LRGUK: variants seen among roughly 807,000 people sequenced by gnomAD.
LRGUK encodes the protein leucine rich repeats and guanylate kinase domain containing, also known as leucine-rich repeat and guanylate kinase domain-containing protein.
LRGUK carries 65 observed loss-of-function variants against 76.0 expected under a neutral mutation model. That is an observed-to-expected ratio of 0.85 (90% CI 0.70 to 1.05). The LOEUF (loss-of-function observed/expected upper bound fraction) is 1.05. LRGUK is among the 50% of genes least tolerant of loss of function. LRGUK has a pLI of 0.00. For missense variants in LRGUK, 758 were observed against 732.8 expected, an observed-to-expected ratio of 1.03 and a Z score of -0.40; for synonymous variants, 268 against 265.6, an observed-to-expected ratio of 1.01 and a Z score of -0.09.
chr7:134,177,124 T>C, intron 9 of LRGUK, 61 bp downstream of exon 9: 1 of 939,750 alleles, frequency 1.1e-6, no homozygotes. Context: ...CAAAAGCTCG[T>C]GTTGCCTGCT....
chr7:134,142,639 T>C (rs983892598), intron 3 of LRGUK, among the ~76,000 whole-genome samples: 1 of 152,254 alleles, frequency 6.6e-6, no homozygotes, highest in African/African-American at 2.4e-5. Context: ...TTCCACTCTT[T>C]ATGAAAAGAT....
chr7:134,157,973 A>G, intron 5 of LRGUK, 62 bp from the exon 6 acceptor site: 1 of 1,501,664 alleles, frequency 6.7e-7, no homozygotes, highest in East Asian at 2.3e-5. Context: ...TTTAACACTG[A>G]TTCTTTTTTT....
chr7:134,171,269 A>G (rs904454191), intron 7 of LRGUK, among the ~76,000 whole-genome samples: 1 of 151,950 alleles, frequency 6.6e-6, no homozygotes, highest in Non-Finnish European at 1.5e-5. Context: ...ACTTACCATC[A>G]TCATCAACTA....
chr7:134,192,677 A>T (rs190871133), intron 12 of LRGUK, among the ~76,000 whole-genome samples: 1 of 152,336 alleles, frequency 6.6e-6, no homozygotes, highest in African/African-American at 2.4e-5. Context: ...ACTTCAGTTA[A>T]ACTGAAGGAG....
chr7:134,127,411 C>G (rs776165105), exon 1 of LRGUK: 2 of 1,613,968 alleles, frequency 1.2e-6, no homozygotes, highest in East Asian at 4.5e-5. Context: ...AGAGCTGCCT[C>G]TCTCCTGAGA....
intron 7 of LRGUK, among the ~76,000 whole-genome samples, chr7:134,172,840 G>A (rs1312115978): frequency 2.0e-5 from 3 of 152,026 alleles, no homozygotes; most frequent in Admixed American, 2.0e-4. Flanking sequence ...AATTAGCTAG[G>A]CTTGGCAGTG....
intron 7 of LRGUK, among the ~76,000 whole-genome samples, chr7:134,165,878 A>T (rs887375899): frequency 9.8e-5 from 15 of 152,302 alleles, no homozygotes; most frequent in Admixed American, 2.6e-4. Flanking sequence ...TTAAAGAAAA[A>T]AGAGGAGTAT....
intron 5 of LRGUK, among the ~76,000 whole-genome samples, chr7:134,155,097 G>A (rs1418245942): frequency 6.6e-6 from 1 of 152,096 alleles, no homozygotes; most frequent in Non-Finnish European, 1.5e-5. Context: ...TCCTAAAATA[G>A]GACTTAAACA....
intron 10 of LRGUK, among the ~76,000 whole-genome samples, chr7:134,179,505 G>A (rs923822740): frequency 2.0e-5 from 3 of 152,036 alleles, no homozygotes; most frequent in Non-Finnish European, 2.9e-5. Flanking sequence ...TAATGTAGAC[G>A]TTGACAGTTT....
At chr7:134,251,994 G>A (rs952255462) in intron 18 of LRGUK, among the ~76,000 whole-genome samples, 3 of 152,098 alleles carry the variant, frequency 2.0e-5, no homozygotes, top group Non-Finnish European at 4.4e-5. Context: ...CTAGGTGGGA[G>A]CAAGAGATTG....
chr7:134,211,675 T>C (rs1801277618), downstream of LRGUK, among the ~76,000 whole-genome samples: 1 of 152,236 alleles, frequency 6.6e-6, no homozygotes, highest in South Asian at 2.1e-4. Flanking sequence ...CTCATGCCTT[T>C]ATTATGCCAA....
exon 1 of LRGUK, chr7:134,127,384 G>C (rs753009875): frequency 6.2e-7 from 1 of 1,608,248 alleles, no homozygotes; most frequent in Non-Finnish European, 8.5e-7. Flanking sequence ...ACCTCCGAGA[G>C]GGCTCTCCTG....
intron 18 of LRGUK, 149 bp downstream of exon 18, chr7:134,249,225 C>A: frequency 1.2e-6 from 1 of 859,232 alleles, no homozygotes; most frequent in Non-Finnish European, 1.7e-6. Context: ...GTAGACCCTG[C>A]CCCTCTATGG....
In LRGUK at chr7:134,255,351, G is replaced by A. The variant is rs564238525; in HGVS notation, c.2199-2906G>A. ...GACAACTGAGGCAAGTTAATTAGTC[G>A]GTAAAAGGACTTGAAGCTATCAAGT... On this transcript the variant is annotated intron_variant, in intron 18 of 19. Transcript: ENST00000285928. Among the ~76,000 whole-genome samples the A allele has an allele frequency of 4.6e-5, 7 of 151,834 alleles. No individual in the cohort carries two copies. In the East Asian group the frequency reaches 1.2e-3, roughly 25 times the overall value.
intron 10 of LRGUK, among the ~76,000 whole-genome samples, chr7:134,182,308 T>C (rs1799790437): frequency 6.6e-6 from 1 of 152,228 alleles, no homozygotes; most frequent in Admixed American, 6.5e-5. Context: ...AGAGCTGTCA[T>C]GAACATTCAT....
At chr7:134,252,749 A>G (rs955897474) in intron 18 of LRGUK, among the ~76,000 whole-genome samples, 1 of 152,152 alleles carries the variant, frequency 6.6e-6, no homozygotes. Flanking sequence ...CCATTCAAAC[A>G]TAATACAGAC....
chr7:134,180,249 T>G (rs1799681092), intron 10 of LRGUK, among the ~76,000 whole-genome samples: 1 of 152,016 alleles, frequency 6.6e-6, no homozygotes, highest in Non-Finnish European at 1.5e-5. Flanking sequence ...GGCCTTTTAG[T>G]GGAAAGAGCT....
At chr7:134,174,558 T>G (rs1799402793) in exon 8 of LRGUK, 2 of 1,596,256 alleles carry the variant, frequency 1.3e-6, no homozygotes, top group East Asian at 4.5e-5. Flanking sequence ...TTGAACAGAT[T>G]GCTGAGCTGA....
chr7:134,144,328 G>A (rs146477035), intron 4 of LRGUK, among the ~76,000 whole-genome samples: 382 of 151,920 alleles, frequency 2.5e-3, no homozygotes, highest in Non-Finnish European at 3.7e-3. Flanking sequence ...TTGTAGAGGC[G>A]GGGTTTCACC....
Sources: allele counts gnomAD v4.1 joint callset (sites outside exome capture counted in the v4.1 genomes callset), GRCh38; gene constraint gnomAD v4.1.1; transcripts MANE v1.5; gene names NCBI Gene and HGNC (gene_info 2026-07-23, HGNC 2026-07-21).